NCOA5: variants seen among roughly 807,000 people sequenced by gnomAD.
NCOA5 encodes nuclear receptor coactivator 5, also known as NCoA-5.
NCOA5 carries 12 observed loss-of-function variants against 59.0 expected under a neutral mutation model. That is an observed-to-expected ratio of 0.20 (90% confidence interval 0.13 to 0.33). The LOEUF is 0.33. NCOA5 is among the 10% of genes least tolerant of loss of function. The pLI is 1.00. For synonymous variants in NCOA5, 270 were observed against 275.5 expected, an observed-to-expected ratio of 0.98 and a Z score of 0.20; for missense variants, 655 against 766.6, an observed-to-expected ratio of 0.85 and a Z score of 1.72.
chr20:46,075,331 T>G (rs1263910962), intron 2 of NCOA5, among the ~76,000 whole-genome samples: 1 of 152,200 alleles, frequency 6.6e-6, no homozygotes, highest in Non-Finnish European at 1.5e-5. Flanking sequence ...GCAGAGGTAA[T>G]CACAACCTGG....
In NCOA5 at chr20:46,065,205, C is replaced by T. The variant is rs768417079; in HGVS notation, c.653G>A (p.Arg218Gln). Residue 218 changes from arginine to glutamine, a missense_variant, in exon 6 of 8, where the codon CGG becomes CAG. Physicochemically the swap from Arg to Gln is conservative, Grantham distance 43. Around this residue, in one of 3 missense-constraint regions of NCOA5, gnomAD observed 80 missense variants for 153.3 expected, o/e 0.52. Coordinates refer to ENST00000290231, the MANE Select transcript of NCOA5 (RefSeq NM_020967.3). ...TACCATGCCCAGGTCTCGCACCTTC[C>T]GCCCCACAGACTCAGCATAGTCTCT... is the stretch of plus-strand genomic sequence containing the variant. ...QTKDYAESVG[R>Q]KVRDLGMVVD... 4 of 1,614,160 alleles carry T rather than the reference C, an allele frequency of 2.5e-6. No homozygotes were observed. Among genetic ancestry groups the T allele is most frequent in the Admixed American group, 1.7e-5 (1 of 60,018 alleles).
intron 2 of NCOA5, among the ~76,000 whole-genome samples, 166 bp from the exon 3 acceptor site, chr20:46,070,702 A>G (rs1749830016): frequency 6.6e-6 from 1 of 152,208 alleles, no homozygotes; most frequent in Admixed American, 6.5e-5. Flanking sequence ...CTGGTCAGCA[A>G]ATAGTCTAGA....
intron 2 of NCOA5, among the ~76,000 whole-genome samples, chr20:46,074,854 T>C (rs547414314): frequency 1.2e-4 from 18 of 152,240 alleles, no homozygotes; most frequent in Admixed American, 9.8e-4. Context: ...TTCTTTGGCT[T>C]TGGTTCTACA....
At position 46,070,492 on chromosome 20, in the gene NCOA5, C is replaced by T. The variant is rs570882255; in HGVS notation, c.83G>A (p.Arg28Gln). 12 of 1,613,958 alleles carry T rather than the reference C, an allele frequency of 7.4e-6. No individual in the cohort carries two copies. Among genetic ancestry groups the T allele is most frequent in the Middle Eastern group, 1.6e-4 (1 of 6,062 alleles). The change falls in exon 3 of 8, where the codon CGA becomes CAA. Residue 28 changes from arginine (R) to glutamine (Q), a missense_variant. By Grantham distance (43) the Arg-to-Gln change is conservative (BLOSUM62 1). This residue lies in a region of NCOA5 where 250 missense variants were observed against 260.1 expected (regional missense o/e 0.96). Transcript: ENST00000290231. ...CCTTGGACTTCCTCGAATTGGGGAT[C>T]GATCACGCCTTGAATCTCGACTGTC... is the stretch of plus-strand genomic sequence containing the variant. ...FGDSRDSRRD[R>Q]SPIRGSPRRE...
At chr20:46,073,304 T>C (rs2084904163) in intron 2 of NCOA5, among the ~76,000 whole-genome samples, 1 of 152,212 alleles carries the variant, frequency 6.6e-6, no homozygotes, top group Non-Finnish European at 1.5e-5. Context: ...ATGAAAAATA[T>C]TTGTTATATA....
At chr20:46,069,264 TTC>T (rs1293761400) in intron 3 of NCOA5, among the ~76,000 whole-genome samples, 1 of 152,218 alleles carries the variant, frequency 6.6e-6, no homozygotes, top group African/African-American at 2.4e-5. Context: ...TTAATCTATT[TTC>T]TGTCTCTATA....
intron 5 of NCOA5, among the ~76,000 whole-genome samples, chr20:46,066,185 A>G (rs1420152817): frequency 1.5e-4 from 23 of 152,232 alleles, no homozygotes; most frequent in Admixed American, 1.5e-3. Flanking sequence ...ACCTAGGGAA[A>G]GGGAACATAG....
At chr20:46,087,631 C>T (rs924050874) in intron 1 of NCOA5, among the ~76,000 whole-genome samples, 2 of 152,046 alleles carry the variant, frequency 1.3e-5, no homozygotes, top group African/African-American at 2.4e-5. Context: ...TGGTGGCGCA[C>T]GCCTGTAATC....
At chr20:46,088,744 TCATA>T (rs1271297837) in intron 1 of NCOA5, among the ~76,000 whole-genome samples, 3 of 152,218 alleles carry the variant, frequency 2.0e-5, no homozygotes, top group Non-Finnish European at 2.9e-5. Flanking sequence ...CCCAGGGCAT[TCATA>T]GAATCTGCTT....
intron 1 of NCOA5, among the ~76,000 whole-genome samples, chr20:46,083,528 T>C (rs2085014219): frequency 1.3e-5 from 2 of 152,196 alleles, no homozygotes; most frequent in Admixed American, 1.3e-4. Context: ...ATCTCTAAAC[T>C]AAGTGTGCTG....
chr20:46,089,393 G>C (rs1305397593), intron 1 of NCOA5, among the ~76,000 whole-genome samples: 2 of 152,214 alleles, frequency 1.3e-5, no homozygotes, highest in African/African-American at 4.8e-5. Flanking sequence ...GCCACGGGAC[G>C]CCTTGGGCCC....
chr20:46,064,881 C>A, intron 6 of NCOA5, 148 bp downstream of exon 6: 1 of 724,916 alleles, frequency 1.4e-6, no homozygotes. Flanking sequence ...AGTGACTATG[C>A]AAGACTCTTC....
rs773584221 is a variant in NCOA5, at chr20:46,068,634, C to T, written c.370G>A (p.Glu124Lys). 3.7e-6 allele frequency: 6 copies of T among 1,606,758 alleles called. No homozygotes were observed. In the African/African-American group the frequency reaches 6.7e-5, roughly 18 times the overall value. Residue 124 changes from glutamate to lysine, a missense_variant, in exon 4 of 8, where the codon GAA becomes AAA. Glu to Lys is a moderately conservative substitution (Grantham distance 56). Coordinates refer to ENST00000290231, the MANE Select transcript of NCOA5 (RefSeq NM_020967.3). Reference protein sequence around the residue: ...RDSRDPMYRREGSYDRYLRMD... With the variant: ...RDSRDPMYRRKGSYDRYLRMD... ...CGTAGGTATCGGTCATAAGAGCCTT[C>T]TCTCCTGAAAAGTTAAGGAAATTTT...
chr20:46,073,653 G>T (rs912997940), intron 2 of NCOA5, among the ~76,000 whole-genome samples: 1 of 152,214 alleles, frequency 6.6e-6, no homozygotes, highest in African/African-American at 2.4e-5. Flanking sequence ...TCAGGGCTGA[G>T]ATATCATGAT....
intron 1 of NCOA5, among the ~76,000 whole-genome samples, chr20:46,083,201 T>A (rs954051539): frequency 6.6e-6 from 1 of 151,894 alleles, no homozygotes; most frequent in Non-Finnish European, 1.5e-5. Context: ...ACCAAATTCA[T>A]GATGAAGTTC....
rs1169474618 is a variant in NCOA5 at position 46,088,886 on chromosome 20, T to TTA, written c.-30+929_-30+930dup. On this transcript the variant is annotated intron_variant, in intron 1 of 7. Coordinates refer to ENST00000290231, the MANE Select transcript of NCOA5 (RefSeq NM_020967.3). Reference sequence around the variant, plus strand: ...TTCAGGAGGAACAAGGACGCACTGTTTATTTCAACAGACAGATATTTATTT... The same window carrying TTA: ...TTCAGGAGGAACAAGGACGCACTGTTTATATTTCAACAGACAGATATTTATTT... Among the ~76,000 whole-genome samples, 30 of 152,358 alleles carry TTA rather than the reference T, an allele frequency of 2.0e-4. 1 individual carries two copies. Among genetic ancestry groups the TTA allele is most frequent in the African/African-American group, 6.3e-4 (26 of 41,590 alleles).
At chr20:46,064,569 T>C (rs927518164) in intron 6 of NCOA5, among the ~76,000 whole-genome samples, 1 of 152,232 alleles carries the variant, frequency 6.6e-6, no homozygotes, top group African/African-American at 2.4e-5. Context: ...ATTAGAAAGC[T>C]GGCAGAAGCA....
intron 6 of NCOA5, among the ~76,000 whole-genome samples, chr20:46,064,790 C>T (rs548464760): frequency 1.5e-4 from 23 of 152,318 alleles, no homozygotes; most frequent in South Asian, 8.3e-4. Context: ...TGTTGTTACA[C>T]GTGTGCCAGC....
chr20:46,067,710 G>A (rs1321267753), intron 4 of NCOA5, among the ~76,000 whole-genome samples: 2 of 151,702 alleles, frequency 1.3e-5, no homozygotes, highest in Non-Finnish European at 2.9e-5. Flanking sequence ...AACTTGGCCA[G>A]GTATGAAATA....
Sources: gnomAD v4.1 joint callset for allele counts (sites outside exome capture counted in the v4.1 genomes callset) on GRCh38, gnomAD v4.1.1 for gene constraint, gnomAD v4.1.1 regional missense constraint, MANE v1.5 for transcripts, NCBI Gene and HGNC (gene_info 2026-07-23, HGNC 2026-07-21) for gene names.